The following GALNT17 variants were observed in gnomAD, a reference collection of about 807,000 sequenced individuals.
GALNT17 encodes the protein polypeptide N-acetylgalactosaminyltransferase 17.
A neutral mutation model predicts 63.7 loss-of-function variants in GALNT17; 29 were observed. The ratio of observed to expected loss-of-function variants is 0.46; its 90% CI spans 0.34 to 0.62. The LOEUF is 0.62. GALNT17 is among the 20% of genes least tolerant of loss of function. GALNT17 has a pLI of 0.01. For synonymous variants in GALNT17, 305 were observed against 318.3 expected (o/e 0.96, Z 0.45); for missense variants, 603 against 799.6 (o/e 0.75, Z 2.97).
intron 1 of GALNT17, among the ~76,000 whole-genome samples, chr7:71,204,259 G>A (rs1554338413): frequency 6.6e-6 from 1 of 152,110 alleles, no homozygotes; most frequent in Non-Finnish European, 1.5e-5. Context: ...ACTGGTTGAT[G>A]TCTGTTTTTA....
intron 6 of GALNT17, among the ~76,000 whole-genome samples, chr7:71,627,553 G>A (rs1291567283): frequency 6.6e-6 from 1 of 152,198 alleles, no homozygotes; most frequent in Non-Finnish European, 1.5e-5. Flanking sequence ...TGAGAACAGT[G>A]GAGGCCATCA....
At chr7:71,284,808 A>G (rs911486080) in intron 1 of GALNT17, among the ~76,000 whole-genome samples, 34 of 152,022 alleles carry the variant, frequency 2.2e-4, no homozygotes, top group African/African-American at 7.7e-4. Context: ...CTGTTGTTTA[A>G]ATTCATTTTC....
intron 5 of GALNT17, among the ~76,000 whole-genome samples, chr7:71,546,076 A>G (rs1788978484): frequency 6.6e-6 from 1 of 152,018 alleles, no homozygotes; most frequent in Non-Finnish European, 1.5e-5. Context: ...CGTGGGTAAC[A>G]TAGCAAGACC....
Position 71,243,875 on chromosome 7 carries a change from A to C in GALNT17, c.239-91675A>C, listed in dbSNP as rs111371630. ...AACAAGTCTATTGAATTTGGCCATG[A>C]TGAGGTCATGATGTCGTTGGCAGGA... On this transcript the variant is annotated intron_variant, in intron 1 of 10. Coordinates refer to ENST00000333538, the MANE Select transcript of GALNT17 (RefSeq NM_022479.3). 2.7e-3 allele frequency among the ~76,000 whole-genome samples: 411 copies of C among 152,290 alleles called. 2 individuals carry two copies. Among genetic ancestry groups the C allele is most frequent in the African/African-American group, 9.0e-3 (373 of 41,556 alleles).
At chr7:71,664,027 AC>A (rs1190338813) in intron 6 of GALNT17, among the ~76,000 whole-genome samples, 1 of 149,204 alleles carries the variant, frequency 6.7e-6, no homozygotes, top group Non-Finnish European at 1.5e-5. Context: ...TTTTTTTTTT[AC>A]AATAAGGTTT....
intron 5 of GALNT17, among the ~76,000 whole-genome samples, chr7:71,429,920 T>C (rs1041259365): frequency 1.3e-5 from 2 of 152,200 alleles, no homozygotes; most frequent in Non-Finnish European, 2.9e-5. Context: ...TTGGCAAGAC[T>C]GGTCTCAAAC....
chr7:71,682,994 T>C (rs942623147), intron 9 of GALNT17, among the ~76,000 whole-genome samples: 1 of 152,248 alleles, frequency 6.6e-6, no homozygotes, highest in South Asian at 2.1e-4. Flanking sequence ...CAGCACAGTG[T>C]GGCCCCTTTG....
chr7:71,700,347 A>T (rs937004213), intron 9 of GALNT17, among the ~76,000 whole-genome samples: 1 of 151,844 alleles, frequency 6.6e-6, no homozygotes, highest in African/African-American at 2.4e-5. Context: ...CTTAACTTGT[A>T]TGCATTCTCA....
chr7:71,516,151 C>T (rs1788441140), intron 5 of GALNT17, among the ~76,000 whole-genome samples: 1 of 152,008 alleles, frequency 6.6e-6, no homozygotes, highest in South Asian at 2.1e-4. Flanking sequence ...TCTCCAGAAT[C>T]TGTAAAGGTA....
intron 2 of GALNT17, among the ~76,000 whole-genome samples, chr7:71,352,836 G>A (rs1361532268): frequency 1.3e-5 from 2 of 152,140 alleles, no homozygotes; most frequent in Non-Finnish European, 2.9e-5. Flanking sequence ...GGAAAAAGAA[G>A]TGACGTGGAA....
intron 5 of GALNT17, among the ~76,000 whole-genome samples, chr7:71,428,953 G>A (rs1301219152): frequency 6.6e-6 from 1 of 152,178 alleles, no homozygotes; most frequent in Non-Finnish European, 1.5e-5. Flanking sequence ...ACTAGGCTTG[G>A]GGTTAGATGG....
In GALNT17 at chr7:71,330,019, G is replaced by GTA; in HGVS notation, c.239-5523_239-5522dup. Among the ~76,000 whole-genome samples, 2 of 149,298 alleles carry GTA rather than the reference G, an allele frequency of 1.3e-5. 1 individual carries two copies. The highest frequency in any genetic ancestry group is 3.0e-5 in the Non-Finnish European group (2 of 67,590). On this transcript the variant is annotated intron_variant, in intron 1 of 10. Transcript: ENST00000333538. ...TACATATATGTGTGTATATATACAT[G>GTA]TATATATATTTGAGATAGAGTCTTG...
At chr7:71,354,639 A>G (rs1354009996) in intron 2 of GALNT17, among the ~76,000 whole-genome samples, 1 of 152,128 alleles carries the variant, frequency 6.6e-6, no homozygotes, top group Non-Finnish European at 1.5e-5. Context: ...CTAATATTTT[A>G]TTTACAACTT....
intron 6 of GALNT17, among the ~76,000 whole-genome samples, chr7:71,646,050 T>A (rs1384559759): frequency 6.6e-6 from 1 of 152,106 alleles, no homozygotes; most frequent in Non-Finnish European, 1.5e-5. Flanking sequence ...TAAGGCCACC[T>A]CCCTCCCCAG....
At chr7:71,491,020 C>T (rs1787997013) in intron 5 of GALNT17, among the ~76,000 whole-genome samples, 1 of 151,926 alleles carries the variant, frequency 6.6e-6, no homozygotes, top group African/African-American at 2.4e-5. Context: ...ATGGAGAAAC[C>T]CCCGTCTCTA....
intron 1 of GALNT17, among the ~76,000 whole-genome samples, chr7:71,208,449 C>CTTTTTT (rs11341410): frequency 8.8e-6 from 1 of 113,468 alleles, no homozygotes; most frequent in East Asian, 2.5e-4. Context: ...TTAATAAATG[C>CTTTTTT]TTTTTTTTTT....
Position 71,201,237 on chromosome 7 carries a change from ATT to A in GALNT17, c.238+68201_238+68202del, listed in dbSNP as rs1319447035. Among the ~76,000 whole-genome samples the A allele has an allele frequency of 3.6e-5, 5 of 140,394 alleles. 1 individual carries two copies. Among genetic ancestry groups the A allele is most frequent in the African/African-American group, 1.2e-4 (4 of 34,280 alleles). 92.1% of individuals were successfully genotyped at this position (140,394 alleles called of 152,430 possible). A position where few individuals can be genotyped will look rare whatever the true frequency, so the allele number is the denominator to read the frequency against. On this transcript the variant is annotated intron_variant, in intron 1 of 10. Transcript: ENST00000333538. ...TCTTTGTATGGGGGTGTGTGTGTTTATTTTTATATATATATATATAATTTGTG... is the reference window on the plus strand; with the variant it reads ...TCTTTGTATGGGGGTGTGTGTGTTTATTTATATATATATATATAATTTGTG...
At chr7:71,161,429 A>G (rs1325878358) in intron 1 of GALNT17, among the ~76,000 whole-genome samples, 1 of 152,172 alleles carries the variant, frequency 6.6e-6, no homozygotes, top group Non-Finnish European at 1.5e-5. Flanking sequence ...GTTGATTTGC[A>G]TACATTTTTA....
At chr7:71,327,465 A>G (rs1410763404) in intron 1 of GALNT17, among the ~76,000 whole-genome samples, 2 of 152,188 alleles carry the variant, frequency 1.3e-5, no homozygotes, top group Non-Finnish European at 2.9e-5. Context: ...TGATTCAGTT[A>G]TCTCCCACTG....
Sources: allele counts gnomAD v4.1 joint callset (sites outside exome capture counted in the v4.1 genomes callset), GRCh38; gene constraint gnomAD v4.1.1; transcripts MANE v1.5; gene names NCBI Gene and HGNC (gene_info 2026-07-23, HGNC 2026-07-21).